Variants in MAP2 observed in about 807,000 individuals in gnomAD.
MAP2 encodes microtubule-associated protein 2.
Under a neutral mutation model 137.6 loss-of-function variants are expected in MAP2, and 14 were observed. That is an observed-to-expected ratio of 0.10 (90% CI 0.07 to 0.16). The LOEUF (loss-of-function observed/expected upper bound fraction) is 0.16. MAP2 is among the 10% of genes least tolerant of loss of function. MAP2 has a pLI of 1.00. For missense variants in MAP2, 2,088 were observed against 2,191.5 expected, an observed-to-expected ratio of 0.95 and a Z score of 0.94; for synonymous variants, 786 against 782.3, an observed-to-expected ratio of 1.00 and a Z score of -0.08.
At chr2:209,619,827 C>G (rs957892408) in intron 3 of MAP2, among the ~76,000 whole-genome samples, 1 of 152,124 alleles carries the variant, frequency 6.6e-6, no homozygotes, top group African/African-American at 2.4e-5. Context: ...ATATTTATTG[C>G]TCACCAGATA....
At chr2:209,725,996 C>T (rs2073810851) in intron 14 of MAP2, among the ~76,000 whole-genome samples, 1 of 152,112 alleles carries the variant, frequency 6.6e-6, no homozygotes, top group Admixed American at 6.5e-5. Flanking sequence ...GAAGAGGACA[C>T]ATTTTAATTA....
chr2:209,663,759 G>A (rs975700266), intron 5 of MAP2, among the ~76,000 whole-genome samples: 7 of 152,126 alleles, frequency 4.6e-5, no homozygotes, highest in African/African-American at 1.7e-4. Context: ...AGTGATGCTG[G>A]CATATGAGCA....
At chr2:209,590,451 TCAGCCTC>T (rs2078958288) in intron 3 of MAP2, among the ~76,000 whole-genome samples, 1 of 152,158 alleles carries the variant, frequency 6.6e-6, no homozygotes, top group South Asian at 2.1e-4. Context: ...TTCTCTTGCC[TCAGCCTC>T]CAGAGTAGCT....
chr2:209,704,554 TTTA>T (rs1369109762), intron 11 of MAP2: 1 of 1,612,838 alleles, frequency 6.2e-7, no homozygotes, highest in South Asian at 1.1e-5. Flanking sequence ...TTTCTGACAG[TTTA>T]TTAATACAGC....
intron 1 of MAP2, among the ~76,000 whole-genome samples, chr2:209,444,859 G>A (rs1698679484): frequency 2.0e-5 from 3 of 151,244 alleles, no homozygotes; most frequent in Admixed American, 6.6e-5. Context: ...AAATTTTAAA[G>A]TACTTTATAA....
chr2:209,538,483 A>G (rs996734314), intron 2 of MAP2, among the ~76,000 whole-genome samples: 2 of 151,888 alleles, frequency 1.3e-5, no homozygotes, highest in Non-Finnish European at 2.9e-5. Flanking sequence ...TCAAGTTGAA[A>G]CAAGACAAAA....
chr2:209,643,104 A>G (rs1288417962), intron 4 of MAP2, among the ~76,000 whole-genome samples: 5 of 152,232 alleles, frequency 3.3e-5, no homozygotes, highest in African/African-American at 9.6e-5. Context: ...CTGGCACATT[A>G]CATGATGATA....
intron 2 of MAP2, among the ~76,000 whole-genome samples, chr2:209,573,655 C>T (rs534796482): frequency 2.0e-5 from 3 of 152,184 alleles, no homozygotes; most frequent in Admixed American, 1.3e-4. Context: ...GAAATTCACT[C>T]GTATACAATT....
intron 13 of MAP2, among the ~76,000 whole-genome samples, chr2:209,715,917 T>C (rs1048776706): frequency 6.6e-6 from 1 of 152,168 alleles, no homozygotes; most frequent in Non-Finnish European, 1.5e-5. Flanking sequence ...AAAATCTAAG[T>C]GTTGACTTTT....
intron 1 of MAP2, among the ~76,000 whole-genome samples, chr2:209,433,580 T>C (rs1485558578): frequency 2.0e-5 from 3 of 152,114 alleles, no homozygotes; most frequent in Non-Finnish European, 4.4e-5. Flanking sequence ...TTTTTTAGAA[T>C]CTCATAAAAG....
At chr2:209,614,078 C>T (rs372174850) in intron 3 of MAP2, among the ~76,000 whole-genome samples, 34 of 152,188 alleles carry the variant, frequency 2.2e-4, no homozygotes, top group African/African-American at 7.7e-4. Context: ...GTGCAATGCC[C>T]GGGTTCTCTG....
At chr2:209,460,234 A>G (rs1702438200) in intron 1 of MAP2, among the ~76,000 whole-genome samples, 1 of 152,246 alleles carries the variant, frequency 6.6e-6, no homozygotes, top group Non-Finnish European at 1.5e-5. Flanking sequence ...AGTATATAAA[A>G]TAGATGAAGA....
chr2:209,540,092 C>T (rs1400394144), intron 2 of MAP2, among the ~76,000 whole-genome samples: 1 of 90,298 alleles, frequency 1.1e-5, no homozygotes, highest in East Asian at 3.3e-4. Context: ...CAGAGGGAGA[C>T]GTTGTAAAAA....
intron 3 of MAP2, among the ~76,000 whole-genome samples, chr2:209,623,063 T>A (rs1339090348): frequency 1.3e-5 from 2 of 152,124 alleles, no homozygotes; most frequent in East Asian, 1.9e-4. Context: ...AAGACAGGAT[T>A]TTTTTTAGTG....
At chr2:209,567,384 T>C (rs2073665760) in intron 2 of MAP2, among the ~76,000 whole-genome samples, 1 of 151,836 alleles carries the variant, frequency 6.6e-6, no homozygotes, top group African/African-American at 2.4e-5. Flanking sequence ...TGGGGTAAAA[T>C]GGAGGAGAAA....
intron 13 of MAP2, among the ~76,000 whole-genome samples, 186 bp from the exon 14 acceptor site, chr2:209,725,523 A>G (rs1451815287): frequency 6.6e-6 from 1 of 152,160 alleles, no homozygotes; most frequent in African/African-American, 2.4e-5. Flanking sequence ...CTTCTTTCCA[A>G]TCCAAACATG....
At chr2:209,690,069 C>CT (rs889502335) in intron 7 of MAP2, among the ~76,000 whole-genome samples, 1 of 151,988 alleles carries the variant, frequency 6.6e-6, no homozygotes, top group African/African-American at 2.4e-5. Flanking sequence ...TGAAGCAAGG[C>CT]TTTTTTTATT....
intron 4 of MAP2, among the ~76,000 whole-genome samples, chr2:209,631,118 C>T (rs535348695): frequency 6.8e-6 from 1 of 147,500 alleles, no homozygotes; most frequent in Non-Finnish European, 1.5e-5. Context: ...CTTAAGGAAG[C>T]ATTTCAGGTG....
rs191358539 is a variant in MAP2, at chr2:209,465,727, T to C, written c.-222+41451T>C. 8.2e-4 allele frequency among the ~76,000 whole-genome samples: 125 copies of C among 152,322 alleles called. 1 individual carries two copies. The highest frequency in any genetic ancestry group is 2.7e-3 in the African/African-American group (114 of 41,572). On this transcript the variant is annotated intron_variant, in intron 1 of 15. Transcript: ENST00000682079. The stretch of plus-strand genomic sequence containing the variant: ...ACAATTTGTAGACTCCATAGGAGTC[T>C]AAATGATAATTTGGTTAGCAAACAC...
Sources: gnomAD v4.1 joint callset for allele counts (sites outside exome capture counted in the v4.1 genomes callset) on GRCh38, gnomAD v4.1.1 for gene constraint, MANE v1.5 for transcripts, NCBI Gene and HGNC (gene_info 2026-07-23, HGNC 2026-07-21) for gene names.